The following TMEM65 variants were observed in gnomAD, a reference collection of about 807,000 sequenced individuals.
The protein encoded by TMEM65 is transmembrane protein 65.
In TMEM65, 22 loss-of-function variants were observed where a neutral mutation model predicts 25.4. The ratio of observed to expected loss-of-function variants is 0.86; its 90% confidence interval spans 0.62 to 1.23. The LOEUF (loss-of-function observed/expected upper bound fraction) is 1.23. Among genes scored for constraint, TMEM65 ranks in the 50% most tolerant of loss-of-function variants. The pLI is 0.00. For synonymous variants in TMEM65, 132 were observed against 126.2 expected (o/e 1.05, Z -0.31); for missense variants, 262 against 308.2 (o/e 0.85, Z 1.12).
rs1814310547 is a variant in TMEM65 at position 124,322,167 on chromosome 8, A to T, written c.473-20T>A. The T allele has an allele frequency of 1.3e-6, 2 of 1,584,832 alleles. 1 individual carries two copies. The highest frequency in any genetic ancestry group is 2.2e-5 in the South Asian group (2 of 89,310). ...CAGCAGCTAAAAATTTGAAAAATAAATAATTGTTACATAAAAGAATAATAA... is the reference window on the plus strand; with the variant it reads ...CAGCAGCTAAAAATTTGAAAAATAATTAATTGTTACATAAAAGAATAATAA... On this transcript the variant is annotated intron_variant, in intron 4 of 6. Coordinates refer to ENST00000297632, the MANE Select transcript of TMEM65 (RefSeq NM_194291.3).
At chr8:124,318,079 C>G (rs775253424) in intron 6 of TMEM65, among the ~76,000 whole-genome samples, 1 of 152,188 alleles carries the variant, frequency 6.6e-6, no homozygotes, top group East Asian at 1.9e-4. Flanking sequence ...TTACCAAAAG[C>G]GAGTTGCACA....
At chr8:124,314,605 A>G (rs1586453975) in intron 6 of TMEM65, among the ~76,000 whole-genome samples, 2 of 152,198 alleles carry the variant, frequency 1.3e-5, no homozygotes, top group South Asian at 2.1e-4. Flanking sequence ...CTTCACCTAC[A>G]TTATAAAAAT....
intron 1 of TMEM65, among the ~76,000 whole-genome samples, chr8:124,332,001 T>C (rs1164382956): frequency 1.3e-5 from 2 of 151,662 alleles, no homozygotes; most frequent in Non-Finnish European, 2.9e-5. Context: ...TTAACTTTCA[T>C]AGTATTTAGA....
rs926507168 is a variant in TMEM65, at chr8:124,312,949, C to T, written c.*1011G>A. The T allele has an allele frequency of 6.6e-6, 1 of 150,912 alleles. No individual in the cohort carries two copies. Among genetic ancestry groups the T allele is most frequent in the African/African-American group, 2.4e-5 (1 of 41,048 alleles). The allele number at this position is 150,912 out of a possible 1,614,324, so 9.3% of individuals were successfully genotyped here. ...ATGGGGTATTCAGACTTATTCCATT[C>T]AGATGAGAAGATGACATCTTTGGAG... is the stretch of plus-strand genomic sequence containing the variant. On this transcript the variant is annotated 3_prime_UTR_variant, in exon 7 of 7. Coordinates refer to ENST00000297632, the MANE Select transcript of TMEM65 (RefSeq NM_194291.3).
intron 1 of TMEM65, among the ~76,000 whole-genome samples, chr8:124,360,985 C>A (rs1814851440): frequency 6.6e-6 from 1 of 152,102 alleles, no homozygotes; most frequent in Non-Finnish European, 1.5e-5. Context: ...TCATATGGCA[C>A]AGAAAGGTTA....
chr8:124,342,151 C>A (rs1362006968), intron 1 of TMEM65, among the ~76,000 whole-genome samples: 1 of 152,062 alleles, frequency 6.6e-6, no homozygotes, highest in Non-Finnish European at 1.5e-5. Flanking sequence ...ACTGTATCAT[C>A]ACTGTAATGA....
intron 1 of TMEM65, among the ~76,000 whole-genome samples, chr8:124,370,718 T>A (rs537250690): frequency 2.6e-5 from 4 of 152,242 alleles, no homozygotes; most frequent in Admixed American, 6.5e-5. Flanking sequence ...ATGAGGTAGA[T>A]AATTCTTTCC....
At chr8:124,328,305 G>C (rs1210057434) in intron 2 of TMEM65, among the ~76,000 whole-genome samples, 1 of 151,882 alleles carries the variant, frequency 6.6e-6, no homozygotes, top group Non-Finnish European at 1.5e-5. Context: ...TTGGGAGGCT[G>C]AGGCAGGAGA....
At chr8:124,334,015 C>T (rs927856769) in intron 1 of TMEM65, among the ~76,000 whole-genome samples, 5 of 152,190 alleles carry the variant, frequency 3.3e-5, no homozygotes, top group African/African-American at 1.2e-4. Context: ...TGGAACCACA[C>T]ATGTGCAGGG....
At chr8:124,369,416 G>A (rs1814982116) in intron 1 of TMEM65, among the ~76,000 whole-genome samples, 1 of 152,158 alleles carries the variant, frequency 6.6e-6, no homozygotes, top group Admixed American at 6.5e-5. Flanking sequence ...AAGCATGGAT[G>A]ATATTTTTTC....
intron 1 of TMEM65, among the ~76,000 whole-genome samples, chr8:124,331,398 T>A (rs190792805): frequency 1.1e-3 from 169 of 148,086 alleles, no homozygotes; most frequent in Non-Finnish European, 2.1e-3. Flanking sequence ...AATTAATATA[T>A]AAGATATATT....
intron 1 of TMEM65, among the ~76,000 whole-genome samples, chr8:124,361,255 G>A (rs184919208): frequency 2.4e-4 from 36 of 151,788 alleles, no homozygotes; most frequent in African/African-American, 8.0e-4. Context: ...CCAACATGGC[G>A]AGACCCTGTC....
At position 124,361,444 on chromosome 8, in the gene TMEM65, A is replaced by C. The variant is rs552184211; in HGVS notation, c.304+10410T>G. Reference sequence around the variant, plus strand: ...GAGCGAAACTCTGTCTCACGAAAAAAAAAAAAAAAAATCCTGTAGTTAATA... The same window carrying C: ...GAGCGAAACTCTGTCTCACGAAAAACAAAAAAAAAAATCCTGTAGTTAATA... On this transcript the variant is annotated intron_variant, in intron 1 of 6. Transcript: ENST00000297632. 9.5e-4 allele frequency among the ~76,000 whole-genome samples: 144 copies of C among 151,708 alleles called. 2 individuals are homozygous for C. Among genetic ancestry groups the C allele is most frequent in the African/African-American group, 3.5e-3 (143 of 41,342 alleles).
At chr8:124,355,775 CA>C (rs1814771305) in intron 1 of TMEM65, among the ~76,000 whole-genome samples, 1 of 152,184 alleles carries the variant, frequency 6.6e-6, no homozygotes. Context: ...CAGGCACCTG[CA>C]AGGACAGACA....
intron 3 of TMEM65, among the ~76,000 whole-genome samples, chr8:124,326,530 T>C (rs1463658880): frequency 1.3e-5 from 2 of 152,044 alleles, no homozygotes; most frequent in Non-Finnish European, 2.9e-5. Flanking sequence ...TCTCGGAAAC[T>C]ACTAAAATCT....
intron 1 of TMEM65, among the ~76,000 whole-genome samples, chr8:124,331,072 T>C (rs557157455): frequency 1.4e-4 from 22 of 151,994 alleles, no homozygotes; most frequent in African/African-American, 3.9e-4. Context: ...CAGATTTCTT[T>C]AAAGTCCTTA....
At chr8:124,332,207 C>G (rs1300514177) in intron 1 of TMEM65, among the ~76,000 whole-genome samples, 1 of 152,160 alleles carries the variant, frequency 6.6e-6, no homozygotes, top group Non-Finnish European at 1.5e-5. Context: ...ATACAGGATA[C>G]TGCTATACTC....
At chr8:124,338,113 C>G (rs1216977142) in intron 1 of TMEM65, among the ~76,000 whole-genome samples, 1 of 151,888 alleles carries the variant, frequency 6.6e-6, no homozygotes, top group Non-Finnish European at 1.5e-5. Context: ...AATCTTTTTC[C>G]TATAAAGATA....
At chr8:124,347,367 T>G (rs946214472) in intron 1 of TMEM65, among the ~76,000 whole-genome samples, 2 of 152,202 alleles carry the variant, frequency 1.3e-5, no homozygotes, top group East Asian at 3.8e-4. Flanking sequence ...ATATACCTTA[T>G]GTAGGAAAGA....
Sources: allele counts gnomAD v4.1 joint callset (sites outside exome capture counted in the v4.1 genomes callset), GRCh38; gene constraint gnomAD v4.1.1; transcripts MANE v1.5; gene names NCBI Gene and HGNC (gene_info 2026-07-23, HGNC 2026-07-21).